Variants in PTPRT observed in about 807,000 individuals in gnomAD.
PTPRT encodes the protein protein tyrosine phosphatase receptor type T.
A neutral mutation model predicts 176.8 loss-of-function variants in PTPRT; 56 were observed. The observed-to-expected ratio is 0.32, with a 90% CI of 0.26 to 0.40. PTPRT has a LOEUF of 0.40. PTPRT is among the 10% of genes least tolerant of loss of function. The probability of loss-of-function intolerance (pLI) is 1.00; values close to 1 mark genes in which losing one functional copy is unlikely to be tolerated. For synonymous variants in PTPRT, 783 were observed against 739.0 expected (o/e 1.06, Z -0.96); for missense variants, 1,540 against 1,908.2 (o/e 0.81, Z 3.60).
intron 7 of PTPRT, among the ~76,000 whole-genome samples, chr20:42,542,889 A>T (rs1307791692): frequency 6.6e-6 from 1 of 152,224 alleles, no homozygotes; most frequent in South Asian, 2.1e-4. Context: ...AGGTCTATAA[A>T]AGTTATGTGT....
chr20:42,495,460 C>G (rs1045971265), intron 7 of PTPRT, among the ~76,000 whole-genome samples: 1 of 152,048 alleles, frequency 6.6e-6, no homozygotes, highest in African/African-American at 2.4e-5. Context: ...TTTGGCATGT[C>G]CATGCACCTG....
At chr20:42,346,599 G>A (rs2058198587) in intron 11 of PTPRT, among the ~76,000 whole-genome samples, 1 of 152,170 alleles carries the variant, frequency 6.6e-6, no homozygotes, top group South Asian at 2.1e-4. Context: ...CTGGAGGGAT[G>A]AGGGTGCGGG....
chr20:42,819,433 G>T (rs1458800668), intron 2 of PTPRT, among the ~76,000 whole-genome samples: 1 of 152,158 alleles, frequency 6.6e-6, no homozygotes, highest in Non-Finnish European at 1.5e-5. Context: ...ACAGGTACTA[G>T]CCACTGCAAA....
At chr20:42,926,024 A>C (rs2145962626) in intron 1 of PTPRT, among the ~76,000 whole-genome samples, 1 of 152,288 alleles carries the variant, frequency 6.6e-6, no homozygotes, top group African/African-American at 2.4e-5. Context: ...CCTGCCAGGT[A>C]AAGCTTTTAG....
At chr20:42,957,716 T>C (rs1981723672) in intron 1 of PTPRT, among the ~76,000 whole-genome samples, 1 of 152,236 alleles carries the variant, frequency 6.6e-6, no homozygotes, top group Non-Finnish European at 1.5e-5. Flanking sequence ...ACTGTTGCAC[T>C]GCACTGTACC....
At chr20:42,654,030 C>T (rs75308571) in intron 7 of PTPRT, among the ~76,000 whole-genome samples, 2,296 of 152,060 alleles carry the variant, frequency 0.015, 46 homozygotes, top group African/African-American at 0.052. Flanking sequence ...GGAAAAAGGG[C>T]GCAGAAAGGG....
intron 12 of PTPRT, among the ~76,000 whole-genome samples, chr20:42,303,227 T>C (rs2057495872): frequency 6.6e-6 from 1 of 152,226 alleles, no homozygotes; most frequent in South Asian, 2.1e-4. Context: ...TTGATGTTTG[T>C]AAAGTCTTTG....
intron 7 of PTPRT, among the ~76,000 whole-genome samples, chr20:42,565,455 G>A (rs1351503074): frequency 6.6e-6 from 1 of 151,932 alleles, no homozygotes; most frequent in Non-Finnish European, 1.5e-5. Flanking sequence ...ATGCACACAC[G>A]TTTTTCTCAT....
At chr20:42,608,494 T>A (rs2073920950) in intron 7 of PTPRT, among the ~76,000 whole-genome samples, 1 of 152,062 alleles carries the variant, frequency 6.6e-6, no homozygotes, top group African/African-American at 2.4e-5. Flanking sequence ...GGATAAACAA[T>A]GCTGGGATGT....
chr20:42,720,014 T>C (rs1018002533), intron 6 of PTPRT, among the ~76,000 whole-genome samples: 5 of 152,198 alleles, frequency 3.3e-5, no homozygotes, highest in African/African-American at 1.2e-4. Context: ...TCGGTGCAGA[T>C]ACTAGAGATA....
intron 1 of PTPRT, among the ~76,000 whole-genome samples, chr20:43,044,042 G>A (rs1029120162): frequency 7.9e-5 from 12 of 152,122 alleles, no homozygotes; most frequent in African/African-American, 2.9e-4. Flanking sequence ...AGAAGTGTCT[G>A]CGAGATGGCA....
At chr20:43,153,894 T>C (rs2014441117) in intron 1 of PTPRT, among the ~76,000 whole-genome samples, 1 of 152,252 alleles carries the variant, frequency 6.6e-6, no homozygotes, top group African/African-American at 2.4e-5. Flanking sequence ...GAGGAGCGAA[T>C]GAAGCCAGCC....
intron 1 of PTPRT, among the ~76,000 whole-genome samples, chr20:43,130,402 C>T (rs1163884496): frequency 2.0e-5 from 3 of 151,998 alleles, no homozygotes; most frequent in South Asian, 4.2e-4. Flanking sequence ...TTTATTGGTA[C>T]CCCCTGGTAC....
rs138583927 is a variant in PTPRT at position 42,910,674 on chromosome 20, C to T, written c.89-24742G>A. ...TTTCTCCACGCAGCCTTGGTGCCCACAAGAGCATCATAAGAGACAAACACA... is the reference window on the plus strand; with the variant it reads ...TTTCTCCACGCAGCCTTGGTGCCCATAAGAGCATCATAAGAGACAAACACA... On this transcript the variant is annotated intron_variant, in intron 1 of 30. Coordinates refer to ENST00000373187, the MANE Select transcript of PTPRT (RefSeq NM_007050.6). Among the ~76,000 whole-genome samples, 681 of 152,232 alleles carry T rather than the reference C, an allele frequency of 4.5e-3. 9 individuals carry two copies. The highest frequency in any genetic ancestry group is 0.015 in the African/African-American group (618 of 41,554).
Position 43,189,359 on chromosome 20 carries a change from C to A in PTPRT, c.88+287G>T, listed in dbSNP as rs1437453473. On this transcript the variant is annotated intron_variant, in intron 1 of 30. Coordinates refer to ENST00000373187, the MANE Select transcript of PTPRT (RefSeq NM_007050.6). The surrounding 1 kb of genome is among the most constrained non-coding windows in gnomAD (Gnocchi z 5.0). The stretch of plus-strand genomic sequence containing the variant: ...GTGGGAGGCAGCAAGTGGAAATATT[C>A]GCAACAACCGCGGAAAGTTACTCCA... 6.6e-6 allele frequency among the ~76,000 whole-genome samples: 1 copy of A among 152,190 alleles called. No homozygotes were observed. Among genetic ancestry groups the A allele is most frequent in the African/African-American group, 2.4e-5 (1 of 41,460 alleles).
downstream of PTPRT, among the ~76,000 whole-genome samples, chr20:42,070,619 T>C (rs2146037668): frequency 6.6e-6 from 1 of 152,166 alleles, no homozygotes; most frequent in Non-Finnish European, 1.5e-5. Flanking sequence ...ATATGACAAC[T>C]GTATGCTGTT....
At chr20:42,133,709 C>T (rs1483603966) in intron 18 of PTPRT, among the ~76,000 whole-genome samples, 1 of 152,068 alleles carries the variant, frequency 6.6e-6, no homozygotes, top group East Asian at 1.9e-4. Context: ...AATAATAAAT[C>T]AATATTAGCT....
intron 16 of PTPRT, among the ~76,000 whole-genome samples, chr20:42,181,798 G>C (rs1474085605): frequency 6.6e-6 from 1 of 152,116 alleles, no homozygotes; most frequent in Non-Finnish European, 1.5e-5. Flanking sequence ...TAAAAGTCTG[G>C]TGAAGATGAC....
intron 7 of PTPRT, among the ~76,000 whole-genome samples, chr20:42,532,558 T>C (rs1437122803): frequency 6.6e-6 from 1 of 152,190 alleles, no homozygotes; most frequent in South Asian, 2.1e-4. Context: ...TGCACCACCA[T>C]GACTTGTTAA....
Sources: allele counts gnomAD v4.1 joint callset (sites outside exome capture counted in the v4.1 genomes callset), GRCh38; gene constraint gnomAD v4.1.1; non-coding constraint Gnocchi (gnomAD v3.1); transcripts MANE v1.5; gene names NCBI Gene and HGNC (gene_info 2026-07-23, HGNC 2026-07-21).